The following STK32B variants were observed in gnomAD, a reference collection of about 807,000 sequenced individuals.
The protein encoded by STK32B is serine/threonine-protein kinase 32B.
STK32B carries 43 observed loss-of-function variants against 52.6 expected under a neutral mutation model. The observed-to-expected ratio is 0.82, with a 90% CI of 0.64 to 1.05. The LOEUF is 1.05. Ranked by LOEUF, STK32B falls within the 50% of genes least tolerant of loss-of-function variation. The pLI, the probability that STK32B is intolerant of heterozygous loss-of-function variation, is 0.00. For synonymous variants in STK32B, 238 were observed against 204.3 expected (o/e 1.17, Z -1.41); for missense variants, 621 against 534.6 (o/e 1.16, Z -1.59).
At position 5,467,384 on chromosome 4, in the gene STK32B, G is replaced by A. The variant is rs991364838; in HGVS notation, c.1041+550G>A. 6.6e-6 allele frequency among the ~76,000 whole-genome samples: 1 copy of A among 152,138 alleles called. No individual in the cohort carries two copies. The highest frequency in any genetic ancestry group is 2.4e-5 in the African/African-American group (1 of 41,450). ...CGGCCGGCCCCCTTGTCCTTCGCTG[G>A]CTCGCAGCTGCATGGTTCCAGTCTC... On this transcript the variant is annotated intron_variant, in intron 10 of 11. Transcript: ENST00000282908. The surrounding 1 kb of genome is among the most constrained non-coding windows in gnomAD (Gnocchi z 5.8).
chr4:5,348,628 A>G (rs1163596601), intron 4 of STK32B, among the ~76,000 whole-genome samples: 1 of 152,158 alleles, frequency 6.6e-6, no homozygotes, highest in Admixed American at 6.5e-5. Flanking sequence ...GCCTGATTAC[A>G]GCTGCTGCCG....
intron 3 of STK32B, among the ~76,000 whole-genome samples, chr4:5,325,756 C>T (rs1731830319): frequency 6.6e-6 from 1 of 152,138 alleles, no homozygotes; most frequent in African/African-American, 2.4e-5. Context: ...GTCAGAGTTA[C>T]TGTGATAGAG....
In STK32B at chr4:5,265,453, C is replaced by T. The variant is rs531305103; in HGVS notation, c.261-65767C>T. 7.2e-5 allele frequency among the ~76,000 whole-genome samples: 11 copies of T among 152,326 alleles called. No homozygotes were observed. The South Asian group carries it at 1.5e-3, about 20-fold the overall frequency. ...TATTGACTACGCCCCGAAGCTTTGC[C>T]TGACCACTGCCGCCATCCATCCACC... On this transcript the variant is annotated intron_variant, in intron 3 of 11. Coordinates refer to ENST00000282908, the MANE Select transcript of STK32B (RefSeq NM_018401.3).
intron 4 of STK32B, among the ~76,000 whole-genome samples, chr4:5,366,402 A>G (rs1734880007): frequency 6.6e-6 from 1 of 152,244 alleles, no homozygotes; most frequent in South Asian, 2.1e-4. Flanking sequence ...GTAAAGCTTG[A>G]GCTTGGAGCT....
chr4:5,299,590 A>T (rs570203686), intron 3 of STK32B, among the ~76,000 whole-genome samples: 3 of 152,074 alleles, frequency 2.0e-5, no homozygotes, highest in African/African-American at 4.8e-5. Context: ...ATGTGGCTTT[A>T]TTTCTGATTT....
At chr4:5,339,465 G>A (rs1395123045) in intron 4 of STK32B, among the ~76,000 whole-genome samples, 1 of 150,942 alleles carries the variant, frequency 6.6e-6, no homozygotes, top group East Asian at 2.0e-4. Flanking sequence ...GTGTAGATTT[G>A]AAACTGTGTA....
intron 3 of STK32B, among the ~76,000 whole-genome samples, chr4:5,236,986 A>G (rs1724683477): frequency 6.6e-6 from 1 of 152,104 alleles, no homozygotes; most frequent in African/African-American, 2.4e-5. Flanking sequence ...ACCAACATCC[A>G]CTGTTCTTTT....
At chr4:5,048,841 G>C (rs1230903873), upstream of STK32B, among the ~76,000 whole-genome samples, 3 of 152,210 alleles carry the variant, frequency 2.0e-5, no homozygotes, top group East Asian at 5.8e-4. Context: ...TACCTCTCAG[G>C]GTTGCTGTGA....
chr4:5,166,034 A>G (rs1185781049), intron 2 of STK32B, among the ~76,000 whole-genome samples: 1 of 152,196 alleles, frequency 6.6e-6, no homozygotes, highest in East Asian at 1.9e-4. Context: ...AGAGGCACAA[A>G]GAACCAAAGC....
chr4:5,452,160 CTT>C (rs1249236955), intron 7 of STK32B, among the ~76,000 whole-genome samples: 2 of 152,196 alleles, frequency 1.3e-5, no homozygotes, highest in Non-Finnish European at 2.9e-5. Context: ...ACTTTACCCT[CTT>C]TGCTCACCCA....
chr4:5,365,073 A>G (rs942134007), intron 4 of STK32B, among the ~76,000 whole-genome samples: 1 of 151,926 alleles, frequency 6.6e-6, no homozygotes, highest in African/African-American at 2.4e-5. Flanking sequence ...ATGGGGTTTC[A>G]CCATGTTGGC....
chr4:5,178,771 C>A (rs1395350997), intron 3 of STK32B, among the ~76,000 whole-genome samples: 1 of 152,186 alleles, frequency 6.6e-6, no homozygotes, highest in East Asian at 1.9e-4. Flanking sequence ...TCCCAACAGG[C>A]CTCTCATCTC....
chr4:5,407,609 G>A (rs1490916255), intron 5 of STK32B, among the ~76,000 whole-genome samples: 1 of 152,122 alleles, frequency 6.6e-6, no homozygotes, highest in African/African-American at 2.4e-5. Flanking sequence ...GGCGGAAGGT[G>A]AAGGGGAAGT....
At chr4:5,226,007 A>C (rs1239384709) in intron 3 of STK32B, among the ~76,000 whole-genome samples, 2 of 152,182 alleles carry the variant, frequency 1.3e-5, no homozygotes, top group Non-Finnish European at 2.9e-5. Flanking sequence ...GAATCTGATA[A>C]AACCCAGGCA....
At chr4:5,081,409 C>T (rs764149952) in intron 1 of STK32B, among the ~76,000 whole-genome samples, 25 of 152,036 alleles carry the variant, frequency 1.6e-4, no homozygotes, top group African/African-American at 2.9e-4. Flanking sequence ...CGTATATCTC[C>T]GCATATTTGG....
At chr4:5,187,396 T>G (rs930755892) in intron 3 of STK32B, among the ~76,000 whole-genome samples, 3 of 152,222 alleles carry the variant, frequency 2.0e-5, no homozygotes, top group Non-Finnish European at 4.4e-5. Context: ...CATGGCTCTT[T>G]GCATATTTTA....
At chr4:5,349,224 G>A (rs995424110) in intron 4 of STK32B, among the ~76,000 whole-genome samples, 2 of 151,908 alleles carry the variant, frequency 1.3e-5, no homozygotes, top group African/African-American at 4.8e-5. Context: ...TGCCACCCTG[G>A]GGCCCAAGGA....
rs1372929733 is a variant in STK32B, at chr4:5,058,436, T to G, written c.52+6521T>G. 6.6e-6 allele frequency among the ~76,000 whole-genome samples: 1 copy of G among 152,070 alleles called. No homozygotes were observed. Among genetic ancestry groups the G allele is most frequent in the Admixed American group, 6.6e-5 (1 of 15,264 alleles). ...CTTGGAGCAACCACAGTGATCTACA[T>G]GGTGGAACTTATTTCAGTCTGGTTC... On this transcript the variant is annotated intron_variant, in intron 1 of 11. Coordinates refer to ENST00000282908, the MANE Select transcript of STK32B (RefSeq NM_018401.3). The surrounding 1 kb of genome is among the most constrained non-coding windows in gnomAD (Gnocchi z 4.8).
chr4:5,038,605 C>T, the STK32B span, among the ~76,000 whole-genome samples: 1 of 152,072 alleles, frequency 6.6e-6, no homozygotes, highest in African/African-American at 2.4e-5. Flanking sequence ...ACAAAGTATT[C>T]GTGTATCTAA....
Sources: allele counts gnomAD v4.1 joint callset (sites outside exome capture counted in the v4.1 genomes callset), GRCh38; gene constraint gnomAD v4.1.1; non-coding constraint Gnocchi (gnomAD v3.1); transcripts MANE v1.5; gene names NCBI Gene and HGNC (gene_info 2026-07-23, HGNC 2026-07-21).